The following TLCD3B variants were observed in gnomAD, a reference collection of about 807,000 sequenced individuals.
The protein encoded by TLCD3B is ceramide synthase.
In TLCD3B, 9 loss-of-function variants were observed where a neutral mutation model predicts 23.0. The observed-to-expected ratio is 0.39, with a 90% CI of 0.24 to 0.68. The LOEUF (loss-of-function observed/expected upper bound fraction) is 0.68. Ranked by LOEUF, TLCD3B falls within the 30% of genes least tolerant of loss-of-function variation. The pLI is 0.44. For missense variants in TLCD3B, 307 were observed against 371.8 expected (o/e 0.83, Z 1.43); for synonymous variants, 161 against 161.0 (o/e 1.00, Z 0.00).
chr16:30,040,142 A>AT (rs1223797440), intron 3 of TLCD3B, among the ~76,000 whole-genome samples: 18 of 108,916 alleles, frequency 1.7e-4, no homozygotes, highest in African/African-American at 5.5e-4. Context: ...TCAAAAAAAA[A>AT]AAAAAATATA....
At position 30,024,451 on chromosome 16, in the gene TLCD3B, AT is replaced by A; in HGVS notation, c.*731del. Reference sequence around the variant, plus strand: ...GTGGCGTTCACGCAGATCGTCTTTTATTAGCGGTCTGTAAAGCACCTCCCAG... The same window carrying A: ...GTGGCGTTCACGCAGATCGTCTTTTATAGCGGTCTGTAAAGCACCTCCCAG... On this transcript the variant is annotated 3_prime_UTR_variant, in exon 5 of 5. Coordinates refer to ENST00000380495, the MANE Select transcript of TLCD3B (RefSeq NM_031478.6). 2 of 639,152 alleles carry A rather than the reference AT, an allele frequency of 3.1e-6. No individual in the cohort carries two copies. Among genetic ancestry groups the A allele is most frequent in the Non-Finnish European group, 2.7e-6 (1 of 376,198 alleles). 39.6% of individuals were successfully genotyped at this position (639,152 alleles called of 1,614,324 possible).
upstream of TLCD3B, among the ~76,000 whole-genome samples, chr16:30,034,028 CTCAGGAAG>C (rs2071418526): frequency 6.6e-6 from 1 of 151,556 alleles, no homozygotes; most frequent in Admixed American, 6.6e-5. Context: ...GTCTCAGCTA[CTCAGGAAG>C]CCAAGGCAGG....
At chr16:30,033,948 A>G (rs1433288993), upstream of TLCD3B, among the ~76,000 whole-genome samples, 1 of 152,118 alleles carries the variant, frequency 6.6e-6, no homozygotes, top group Non-Finnish European at 1.5e-5. Context: ...CCTGGGCAAC[A>G]GAGTGAGATT....
intron 1 of TLCD3B, among the ~76,000 whole-genome samples, chr16:30,050,296 C>T (rs1312450983): frequency 2.0e-5 from 3 of 152,128 alleles, no homozygotes; most frequent in East Asian, 3.9e-4. Context: ...CCCAGCAATT[C>T]GAGAGGCTGA....
chr16:30,049,873 G>A (rs1323205955), intron 1 of TLCD3B, among the ~76,000 whole-genome samples: 2 of 151,124 alleles, frequency 1.3e-5, no homozygotes, highest in African/African-American at 4.9e-5. Context: ...GCAGTGCGCT[G>A]AGATCGCACC....
chr16:30,050,671 C>T (rs933199036), intron 1 of TLCD3B, among the ~76,000 whole-genome samples: 4 of 152,164 alleles, frequency 2.6e-5, no homozygotes, highest in Non-Finnish European at 2.9e-5. Flanking sequence ...TCTGAGAGGG[C>T]CAGGGGTGGC....
upstream of TLCD3B, chr16:30,036,033 G>C (rs113723772): frequency 2.0e-6 from 2 of 975,904 alleles, no homozygotes; most frequent in Non-Finnish European, 2.7e-6. Flanking sequence ...AAAGTGCTGG[G>C]ATTACAGGCA....
chr16:30,026,792 G>A lies in TLCD3B; in HGVS notation c.261C>T (p.Tyr87=), dbSNP rs201783419. 28 of 1,614,164 alleles carry A rather than the reference G, an allele frequency of 1.7e-5. No homozygotes were observed. Among genetic ancestry groups the A allele is most frequent in the African/African-American group, 4.0e-5 (3 of 75,046 alleles). Residue 87 remains tyrosine (Y), a synonymous_variant, in exon 3 of 5, where the codon TAC becomes TAT. Coordinates refer to ENST00000380495, the MANE Select transcript of TLCD3B (RefSeq NM_031478.6). ...YTQFAVPYFI[Y]DIYAMFLCHW... ...GACAGAGGAACATGGCGTAGATGTC[G>A]TAGATGAAGTAGGGCACAGCAAATT... is the stretch of plus-strand genomic sequence containing the variant.
At chr16:30,037,386 C>A (rs1417733846) in intron 3 of TLCD3B, among the ~76,000 whole-genome samples, 1 of 151,716 alleles carries the variant, frequency 6.6e-6, no homozygotes, top group African/African-American at 2.4e-5. Context: ...ATTAAAAATA[C>A]AAAAAATTTA....
At position 30,030,598 on chromosome 16, in the gene TLCD3B, G is replaced by A; in HGVS notation, c.-71C>T. The A allele has an allele frequency of 6.8e-7, 1 of 1,475,656 alleles. No individual in the cohort carries two copies. The highest frequency in any genetic ancestry group is 1.4e-5 in the African/African-American group (1 of 69,904). The allele number at this position is 1,475,656 out of a possible 1,614,324, so 91.4% of individuals were successfully genotyped here. On this transcript the variant is annotated 5_prime_UTR_variant, in exon 1 of 5. Coordinates refer to ENST00000380495, the MANE Select transcript of TLCD3B (RefSeq NM_031478.6). ...CAGGGAGGCCGAGTGGAAGGAGTTA[G>A]GGGTGGAGAAGGGACGCCAAGCCCG...
In TLCD3B at chr16:30,025,535, C is replaced by T. The variant is rs2071085151; in HGVS notation, c.541-68G>A. ...CGGCCCCCCTTGGCCCTCTCCCTGCCTCCCTGCGACCCTAGCAGGCAGCTC... is the reference window on the plus strand; with the variant it reads ...CGGCCCCCCTTGGCCCTCTCCCTGCTTCCCTGCGACCCTAGCAGGCAGCTC... On this transcript the variant is annotated intron_variant, in intron 4 of 4. Transcript: ENST00000380495. The surrounding 1 kb of genome is among the most constrained non-coding windows in gnomAD (Gnocchi z 4.1). 6.3e-7 allele frequency: 1 copy of T among 1,589,754 alleles called. No homozygotes were observed. Among genetic ancestry groups the T allele is most frequent in the South Asian group, 1.1e-5 (1 of 89,986 alleles).
chr16:30,032,165 G>A (rs1312320000), upstream of TLCD3B, among the ~76,000 whole-genome samples: 1 of 152,160 alleles, frequency 6.6e-6, no homozygotes, highest in Non-Finnish European at 1.5e-5. Flanking sequence ...AGGAAAGTGA[G>A]GCCTGGGGAC....
At chr16:30,046,949 A>G (rs757388346) in intron 1 of TLCD3B, among the ~76,000 whole-genome samples, 4 of 152,192 alleles carry the variant, frequency 2.6e-5, no homozygotes, top group Non-Finnish European at 5.9e-5. Flanking sequence ...TGTGATATTC[A>G]TTAATAGTCA....
intron 2 of TLCD3B, among the ~76,000 whole-genome samples, chr16:30,045,092 CAAAAAAAAAAA>C (rs1162281544): frequency 4.5e-5 from 1 of 22,226 alleles, no homozygotes; most frequent in South Asian, 2.7e-3. Context: ...GACTCCATCT[CAAAAAAAAAAA>C]AAAAAAAAAA....
chr16:30,038,777 T>TA (rs2071521643), intron 3 of TLCD3B, among the ~76,000 whole-genome samples: 1 of 151,970 alleles, frequency 6.6e-6, no homozygotes, highest in African/African-American at 2.4e-5. Flanking sequence ...AAAATTTAAT[T>TA]AAAAATATCA....
At chr16:30,037,172 G>A (rs1277471226) in intron 3 of TLCD3B, among the ~76,000 whole-genome samples, 3 of 151,716 alleles carry the variant, frequency 2.0e-5, no homozygotes, top group African/African-American at 4.8e-5. Flanking sequence ...CTCAGAGACC[G>A]AGGTGGGAGG....
intron 3 of TLCD3B, among the ~76,000 whole-genome samples, chr16:30,037,773 A>T (rs896949290): frequency 1.3e-5 from 2 of 152,160 alleles, no homozygotes; most frequent in Non-Finnish European, 2.9e-5. Flanking sequence ...TTGATTTAAA[A>T]GGCGGTGTAG....
rs2071149769 is a variant in TLCD3B, at chr16:30,026,604, C to T, written c.444+5G>A. 1 of 1,612,220 alleles carries T rather than the reference C, an allele frequency of 6.2e-7. No individual in the cohort carries two copies. The highest frequency in any genetic ancestry group is 8.5e-7 in the Non-Finnish European group (1 of 1,179,100). On this transcript the variant is annotated splice_donor_5th_base_variant and intron_variant, in intron 3 of 4. Transcript: ENST00000380495. ...ACCCCGCCCGCCCAGCTCCCCGGGA[C>T]TCACCACTGAGAGTGGGAAGCACAC... is the stretch of plus-strand genomic sequence containing the variant.
Position 30,031,009 on chromosome 16 carries a change from C to G in TLCD3B, c.-482G>C, listed in dbSNP as rs1488641222. 6.5e-6 allele frequency: 1 copy of G among 154,980 alleles called. No homozygotes were observed. The highest frequency in any genetic ancestry group is 1.4e-5 in the Non-Finnish European group (1 of 70,166). The allele number at this position is 154,980 out of a possible 1,614,324, so 9.6% of individuals were successfully genotyped here. On this transcript the variant is annotated 5_prime_UTR_variant, in exon 1 of 5. Coordinates refer to ENST00000380495, the MANE Select transcript of TLCD3B (RefSeq NM_031478.6). ...GGGCGGGAGGGAGCGGAGGAGCAGC[C>G]GGGCAAGCGGTCAGCGGTCACCACC... is the stretch of plus-strand genomic sequence containing the variant.
Sources: gnomAD v4.1 joint callset for allele counts (sites outside exome capture counted in the v4.1 genomes callset) on GRCh38, gnomAD v4.1.1 for gene constraint, Gnocchi (gnomAD v3.1) non-coding constraint, MANE v1.5 for transcripts, NCBI Gene and HGNC (gene_info 2026-07-23, HGNC 2026-07-21) for gene names.